GRIN2B: variants seen among roughly 807,000 people sequenced by gnomAD.
GRIN2B encodes glutamate receptor ionotropic, NMDA 2B.
A neutral mutation model predicts 114.5 loss-of-function variants in GRIN2B; 5 were observed. The ratio of observed to expected loss-of-function variants is 0.04; its 90% CI spans 0.02 to 0.09. The LOEUF (loss-of-function observed/expected upper bound fraction) is 0.09, where lower values mean the gene tolerates loss of function less well. Among genes scored for constraint, GRIN2B ranks in the 10% least tolerant of loss-of-function variants. The pLI is 1.00. For synonymous variants in GRIN2B, 787 were observed against 745.1 expected, an observed-to-expected ratio of 1.06 and a Z score of -0.92; for missense variants, 1,108 against 1,943.5, an observed-to-expected ratio of 0.57 and a Z score of 8.08.
intron 5 of GRIN2B, among the ~76,000 whole-genome samples, chr12:13,626,043 C>T (rs546596519): frequency 2.0e-4 from 30 of 152,326 alleles, no homozygotes; most frequent in Admixed American, 1.0e-3. Flanking sequence ...CCACAACTCT[C>T]CATCCTTGGG....
At chr12:13,849,718 T>C (rs953133831) in intron 3 of GRIN2B, among the ~76,000 whole-genome samples, 1 of 152,138 alleles carries the variant, frequency 6.6e-6, no homozygotes, top group African/African-American at 2.4e-5. Context: ...TAGGCTGTTT[T>C]CCAAGAGCAT....
At chr12:13,845,372 A>T (rs1017587626) in intron 3 of GRIN2B, among the ~76,000 whole-genome samples, 4 of 152,320 alleles carry the variant, frequency 2.6e-5, no homozygotes, top group African/African-American at 9.6e-5. Flanking sequence ...ACATTAAAAT[A>T]TCATATCCTC....
At chr12:13,952,063 GT>G (rs201776819) in intron 2 of GRIN2B, among the ~76,000 whole-genome samples, 34 of 151,030 alleles carry the variant, frequency 2.3e-4, no homozygotes, top group African/African-American at 5.1e-4. Flanking sequence ...TTTTTATTGG[GT>G]TTTTTTTTGG....
chr12:13,657,980 C>G (rs141878458), intron 5 of GRIN2B, among the ~76,000 whole-genome samples: 1 of 152,094 alleles, frequency 6.6e-6, no homozygotes, highest in Non-Finnish European at 1.5e-5. Flanking sequence ...CCAAGGCAGT[C>G]GGATCACCTG....
intron 2 of GRIN2B, among the ~76,000 whole-genome samples, chr12:13,960,424 T>A (rs1183613816): frequency 7.9e-5 from 12 of 152,168 alleles, no homozygotes; most frequent in Admixed American, 7.9e-4. Flanking sequence ...TTCAGGCAGT[T>A]TGACTCCAAG....
chr12:13,715,509 T>C (rs994383050), intron 4 of GRIN2B, among the ~76,000 whole-genome samples: 1 of 151,932 alleles, frequency 6.6e-6, no homozygotes, highest in African/African-American at 2.4e-5. Flanking sequence ...AGTAAACACT[T>C]AGTAACATTT....
intron 10 of GRIN2B, among the ~76,000 whole-genome samples, chr12:13,578,428 C>T (rs1426617230): frequency 6.6e-6 from 1 of 152,212 alleles, no homozygotes; most frequent in African/African-American, 2.4e-5. Flanking sequence ...CTGAGGCCAC[C>T]ATGCCGGAGA....
chr12:13,821,406 C>G (rs1345162381), intron 3 of GRIN2B, among the ~76,000 whole-genome samples: 1 of 152,190 alleles, frequency 6.6e-6, no homozygotes, highest in Non-Finnish European at 1.5e-5. Flanking sequence ...AAATGCATCC[C>G]TCATCCTTTA....
intron 4 of GRIN2B, among the ~76,000 whole-genome samples, chr12:13,722,496 A>C (rs534339834): frequency 1.3e-5 from 2 of 152,166 alleles, no homozygotes; most frequent in Non-Finnish European, 2.9e-5. Flanking sequence ...GTGTAGACAG[A>C]GGGCATGGGT....
At chr12:13,613,491 C>A (rs1289405584) in intron 8 of GRIN2B, among the ~76,000 whole-genome samples, 1 of 152,082 alleles carries the variant, frequency 6.6e-6, no homozygotes, top group Non-Finnish European at 1.5e-5. Flanking sequence ...GGTCAGCTTA[C>A]AAACTGAGCC....
intron 3 of GRIN2B, among the ~76,000 whole-genome samples, chr12:13,844,541 C>T (rs1865437794): frequency 6.6e-6 from 1 of 152,210 alleles, no homozygotes; most frequent in Non-Finnish European, 1.5e-5. Flanking sequence ...CCTGTGCTGA[C>T]ATGGCACCAC....
In GRIN2B at chr12:13,553,102, A is replaced by G. The variant is rs2136391007; in HGVS notation, c.*9681T>C. ...ATCGGTTACCAGAGCAGCTGAAGTGAAAGGACAGTACGAGCTCCAAGAGTT... is the reference window on the plus strand; with the variant it reads ...ATCGGTTACCAGAGCAGCTGAAGTGGAAGGACAGTACGAGCTCCAAGAGTT... On this transcript the variant is annotated 3_prime_UTR_variant, in exon 14 of 14. Transcript: ENST00000609686. 6.6e-6 allele frequency: 1 copy of G among 152,336 alleles called. No homozygotes were observed. Among genetic ancestry groups the G allele is most frequent in the East Asian group, 1.9e-4 (1 of 5,178 alleles). The allele number at this position is 152,336 out of a possible 1,614,324, so 9.4% of individuals were successfully genotyped here.
intron 3 of GRIN2B, among the ~76,000 whole-genome samples, chr12:13,789,062 A>T (rs1182259835): frequency 2.4e-5 from 3 of 126,972 alleles, no homozygotes; most frequent in Non-Finnish European, 5.4e-5. Flanking sequence ...CTTCTTAAAG[A>T]GTCCTGGTTG....
chr12:13,952,814 C>T (rs2136850572), intron 2 of GRIN2B, among the ~76,000 whole-genome samples: 1 of 151,900 alleles, frequency 6.6e-6, no homozygotes, highest in South Asian at 2.1e-4. Flanking sequence ...ATGAACACAA[C>T]ATATTAGACA....
rs71067731 is a variant in GRIN2B, at chr12:13,834,020, C to CTTTTTT, written c.411+31772_411+31777dup. On this transcript the variant is annotated intron_variant, in intron 3 of 13. Coordinates refer to ENST00000609686, the MANE Select transcript of GRIN2B (RefSeq NM_000834.5). ...AACACAGTAGTCTCTTTGCTAACTT[C>CTTTTTT]TTTTTTTTTTTTTTTTTTTTTTTTT... 8.3e-5 allele frequency among the ~76,000 whole-genome samples: 6 copies of CTTTTTT among 72,588 alleles called. 1 individual carries two copies. The highest frequency in any genetic ancestry group is 1.5e-4 in the Non-Finnish European group (6 of 41,186). 47.6% of individuals were successfully genotyped at this position (72,588 alleles called of 152,430 possible). A position where few individuals can be genotyped will look rare whatever the true frequency, so the allele number is the denominator to read the frequency against.
rs751594481 is a variant in GRIN2B at position 13,558,972 on chromosome 12, G to C, written c.*3811C>G. 2 of 152,126 alleles carry C rather than the reference G, an allele frequency of 1.3e-5. No individual in the cohort carries two copies. The highest frequency in any genetic ancestry group is 2.9e-5 in the Non-Finnish European group (2 of 68,042). 9.4% of individuals were successfully genotyped at this position (152,126 alleles called of 1,614,324 possible). A position where few individuals can be genotyped will look rare whatever the true frequency, so the allele number is the denominator to read the frequency against. ...TCTGCAATGGAAGGGAATGATAGAG[G>C]GTACAAAGCGAGAAAGCATGGATTC... On this transcript the variant is annotated 3_prime_UTR_variant, in exon 14 of 14. Transcript: ENST00000609686.
chr12:13,609,598 CCCG>C (rs1565475049), intron 9 of GRIN2B, among the ~76,000 whole-genome samples: 15 of 152,084 alleles, frequency 9.9e-5, no homozygotes, highest in Non-Finnish European at 4.4e-5. Flanking sequence ...ACGGTGAAAC[CCCG>C]TCTCTACTAA....
intron 2 of GRIN2B, among the ~76,000 whole-genome samples, chr12:13,920,845 C>T (rs1473062448): frequency 6.6e-6 from 1 of 152,132 alleles, no homozygotes; most frequent in Non-Finnish European, 1.5e-5. Context: ...ATTGTGTAAA[C>T]CTTGAATTCC....
intron 4 of GRIN2B, among the ~76,000 whole-genome samples, chr12:13,677,397 C>T (rs750873279): frequency 6.6e-6 from 1 of 152,114 alleles, no homozygotes; most frequent in African/African-American, 2.4e-5. Context: ...TCTAATGATG[C>T]TTATGCAGCA....
Sources: allele counts gnomAD v4.1 joint callset (sites outside exome capture counted in the v4.1 genomes callset), GRCh38; gene constraint gnomAD v4.1.1; transcripts MANE v1.5; gene names NCBI Gene and HGNC (gene_info 2026-07-23, HGNC 2026-07-21).